ANXA10: variants seen among roughly 807,000 people sequenced by gnomAD.
ANXA10 encodes the protein annexin 14.
ANXA10 carries 49 observed loss-of-function variants against 53.5 expected under a neutral mutation model. The ratio of observed to expected loss-of-function variants is 0.92; its 90% CI spans 0.73 to 1.16. The LOEUF is 1.16. Ranked by LOEUF, ANXA10 falls within the 50% of genes most tolerant of loss-of-function variation. The pLI is 0.00. For synonymous variants in ANXA10, 131 were observed against 128.9 expected (o/e 1.02, Z -0.11); for missense variants, 393 against 394.4 (o/e 1.00, Z 0.03).
chr4:168,116,344 G>T (rs1730893785), intron 1 of ANXA10, among the ~76,000 whole-genome samples: 1 of 152,136 alleles, frequency 6.6e-6, no homozygotes, highest in Admixed American at 6.5e-5. Context: ...TGACCAGCTT[G>T]GAGACTTTAG....
chr4:168,126,197 T>C (rs1421390782), intron 1 of ANXA10, among the ~76,000 whole-genome samples: 1 of 152,194 alleles, frequency 6.6e-6, no homozygotes, highest in African/African-American at 2.4e-5. Context: ...AGTCTCTGAC[T>C]GTCCAAGGTA....
chr4:168,131,873 T>G (rs1249893167), intron 2 of ANXA10, among the ~76,000 whole-genome samples: 1 of 152,106 alleles, frequency 6.6e-6, no homozygotes, highest in Non-Finnish European at 1.5e-5. Flanking sequence ...TTAATCTCTC[T>G]GTGTCTTTAA....
chr4:168,139,319 C>T (rs904168818), intron 2 of ANXA10, among the ~76,000 whole-genome samples, 167 bp from the exon 3 acceptor site: 8 of 152,104 alleles, frequency 5.3e-5, no homozygotes, highest in African/African-American at 1.9e-4. Flanking sequence ...AGGATCCAGG[C>T]TTCATCAAGC....
intron 3 of ANXA10, among the ~76,000 whole-genome samples, chr4:168,143,858 A>G (rs1731365541): frequency 6.6e-6 from 1 of 152,200 alleles, no homozygotes; most frequent in South Asian, 2.1e-4. Context: ...TGTCTCTTCC[A>G]CAGCTTCTCA....
intron 3 of ANXA10, among the ~76,000 whole-genome samples, chr4:168,159,705 G>A (rs1401728532): frequency 6.6e-6 from 1 of 151,990 alleles, no homozygotes; most frequent in African/African-American, 2.4e-5. Flanking sequence ...TTACCCCTTA[G>A]TGTCTACAGT....
At chr4:168,118,287 G>T (rs886410919) in intron 1 of ANXA10, among the ~76,000 whole-genome samples, 1 of 152,126 alleles carries the variant, frequency 6.6e-6, no homozygotes, top group African/African-American at 2.4e-5. Flanking sequence ...ATAAACATAA[G>T]CATTTCCTCT....
intron 5 of ANXA10, 55 bp downstream of exon 5, chr4:168,164,343 C>A (rs1372223658): frequency 2.4e-6 from 3 of 1,238,282 alleles, no homozygotes; most frequent in African/African-American, 1.5e-5. Context: ...CTTTATAACA[C>A]ATTAAATATT....
At chr4:168,145,245 T>G (rs2149473108) in intron 3 of ANXA10, among the ~76,000 whole-genome samples, 1 of 152,310 alleles carries the variant, frequency 6.6e-6, no homozygotes, top group African/African-American at 2.4e-5. Flanking sequence ...CTTCCCGGCC[T>G]TTTGGATAAG....
chr4:168,177,977 C>G lies in ANXA10; in HGVS notation c.622C>G (p.Arg208Gly). ...GTGCAACAAGAGCTACCAGCAGCTG[C>G]GGCTGGGTAATTATTAACTGGGTTT... ...ILCNKSYQQL[R>G]LVFQEFQNIS... is the part of the protein sequence containing the mutation. The change falls in exon 8 of 12, where the codon CGG becomes GGG. Residue 208 changes from arginine (R) to glycine (G), a missense_variant. Arg to Gly is a moderately radical substitution (Grantham distance 125, BLOSUM62 -2). Coordinates refer to ENST00000359299, the MANE Select transcript of ANXA10 (RefSeq NM_007193.5). 1 of 1,613,228 alleles carries G rather than the reference C, an allele frequency of 6.2e-7. No individual in the cohort carries two copies. Among genetic ancestry groups the G allele is most frequent in the Non-Finnish European group, 8.5e-7 (1 of 1,179,874 alleles).
intron 1 of ANXA10, among the ~76,000 whole-genome samples, chr4:168,103,283 GT>G (rs1355047964): frequency 6.6e-6 from 1 of 151,846 alleles, no homozygotes; most frequent in African/African-American, 2.4e-5. Context: ...TCTTCTAGAA[GT>G]TTTATAGACT....
intron 6 of ANXA10, 79 bp from the exon 7 acceptor site, chr4:168,177,661 C>A: frequency 1.4e-6 from 2 of 1,400,360 alleles, no homozygotes; most frequent in South Asian, 1.2e-5. Flanking sequence ...GAATGTTTTT[C>A]AAGGATTTCA....
intron 1 of ANXA10, among the ~76,000 whole-genome samples, chr4:168,095,589 A>G (rs1344821036): frequency 6.6e-6 from 1 of 152,102 alleles, no homozygotes; most frequent in Non-Finnish European, 1.5e-5. Context: ...AAATTGTCCT[A>G]TAAGAATACC....
chr4:168,165,918 C>T (rs1409556912), intron 6 of ANXA10, among the ~76,000 whole-genome samples: 2 of 152,078 alleles, frequency 1.3e-5, no homozygotes, highest in African/African-American at 4.8e-5. Flanking sequence ...TTCAGGTGAT[C>T]CGCCTGCCTC....
chr4:168,113,922 T>C (rs1235374567), intron 1 of ANXA10, among the ~76,000 whole-genome samples: 1 of 152,234 alleles, frequency 6.6e-6, no homozygotes, highest in African/African-American at 2.4e-5. Context: ...AGGTGGCATT[T>C]TACCTTTTGC....
intron 10 of ANXA10, among the ~76,000 whole-genome samples, chr4:168,182,867 G>T (rs1732282292): frequency 6.7e-6 from 1 of 150,266 alleles, no homozygotes; most frequent in Non-Finnish European, 1.5e-5. Context: ...AAAATTAGCC[G>T]GGCGTGGTTG....
intron 3 of ANXA10, among the ~76,000 whole-genome samples, chr4:168,140,869 C>G (rs764035731): frequency 5.9e-5 from 9 of 152,194 alleles, no homozygotes; most frequent in Non-Finnish European, 1.2e-4. Context: ...GTCTGCCCAC[C>G]TCGGCCTCCC....
intron 3 of ANXA10, among the ~76,000 whole-genome samples, chr4:168,156,243 AG>A (rs1279870721): frequency 9.8e-4 from 45 of 46,088 alleles, no homozygotes; most frequent in African/African-American, 2.4e-3. Flanking sequence ...TATATATAAT[AG>A]TATATATTAT....
At chr4:168,112,587 T>C (rs1340747397) in intron 1 of ANXA10, among the ~76,000 whole-genome samples, 3 of 152,142 alleles carry the variant, frequency 2.0e-5, no homozygotes, top group Non-Finnish European at 4.4e-5. Context: ...AATTTTCTAA[T>C]GACTAAAAAA....
chr4:168,163,222 G>C (rs899115307), intron 4 of ANXA10, among the ~76,000 whole-genome samples: 2 of 152,122 alleles, frequency 1.3e-5, no homozygotes, highest in Non-Finnish European at 2.9e-5. Flanking sequence ...TAAGTTGACT[G>C]TGGATTTGTT....
Sources: gnomAD v4.1 joint callset for allele counts (sites outside exome capture counted in the v4.1 genomes callset) on GRCh38, gnomAD v4.1.1 for gene constraint, MANE v1.5 for transcripts, NCBI Gene and HGNC (gene_info 2026-07-23, HGNC 2026-07-21) for gene names.